Variants in PTPRT observed in about 807,000 individuals in gnomAD.
The protein encoded by PTPRT is receptor-type tyrosine-protein phosphatase T.
PTPRT carries 56 observed loss-of-function variants against 176.8 expected under a neutral mutation model. The ratio of observed to expected loss-of-function variants is 0.32; its 90% CI spans 0.26 to 0.40. The LOEUF (loss-of-function observed/expected upper bound fraction) is 0.40, where lower values mean the gene tolerates loss of function less well. Among genes scored for constraint, PTPRT ranks in the 10% least tolerant of loss-of-function variants. The pLI is 1.00. For missense variants in PTPRT, 1,540 were observed against 1,908.2 expected, an observed-to-expected ratio of 0.81 and a Z score of 3.60; for synonymous variants, 783 against 739.0, an observed-to-expected ratio of 1.06 and a Z score of -0.96.
rs1339517626 is a variant in PTPRT, at chr20:42,756,332, C to T, written c.859+130G>A. On this transcript the variant is annotated intron_variant, in intron 6 of 30. Transcript: ENST00000373187. ...GGGGAGTTTGTGTTGGGGAGGGAGG[C>T]CAGAGTGACTAGAAATTAATCTCCT... 1.8e-5 allele frequency: 18 copies of T among 1,001,712 alleles called. No individual in the cohort carries two copies. The East Asian group carries it at 5.0e-4, about 28-fold the overall frequency. The allele number at this position is 1,001,712 out of a possible 1,614,324, so 62.1% of individuals were successfully genotyped here.
chr20:42,620,604 G>A (rs573736704), intron 7 of PTPRT, among the ~76,000 whole-genome samples: 15 of 152,254 alleles, frequency 9.9e-5, no homozygotes, highest in Admixed American at 2.6e-4. Context: ...TTCCGTGGGC[G>A]TAGGACCCTC....
chr20:42,095,624 C>T (rs1044872520), intron 27 of PTPRT, among the ~76,000 whole-genome samples: 3 of 152,206 alleles, frequency 2.0e-5, no homozygotes, highest in Non-Finnish European at 4.4e-5. Context: ...ACTACCCTGC[C>T]TTCTTGTTTG....
At chr20:42,675,294 G>T (rs1371326791) in intron 7 of PTPRT, among the ~76,000 whole-genome samples, 1 of 152,182 alleles carries the variant, frequency 6.6e-6, no homozygotes, top group East Asian at 1.9e-4. Flanking sequence ...AAGCGTTTCA[G>T]ATTTCAGATT....
intron 17 of PTPRT, among the ~76,000 whole-genome samples, chr20:42,146,465 T>C (rs1988871252): frequency 6.6e-6 from 1 of 152,216 alleles, no homozygotes; most frequent in African/African-American, 2.4e-5. Context: ...TCTTTATGAC[T>C]GCACATTAGA....
intron 2 of PTPRT, among the ~76,000 whole-genome samples, chr20:42,830,376 G>C (rs1600803321): frequency 6.6e-6 from 1 of 152,118 alleles, no homozygotes; most frequent in African/African-American, 2.4e-5. Context: ...ATGCAGACGA[G>C]GCTTTCAATA....
At chr20:42,573,011 A>G (rs1270110243) in intron 7 of PTPRT, among the ~76,000 whole-genome samples, 1 of 150,194 alleles carries the variant, frequency 6.7e-6, no homozygotes, top group Non-Finnish European at 1.5e-5. Flanking sequence ...GCTCCATAAG[A>G]GCAGGACCCA....
At chr20:42,768,033 C>T (rs890053787) in intron 5 of PTPRT, among the ~76,000 whole-genome samples, 2 of 148,126 alleles carry the variant, frequency 1.4e-5, no homozygotes, top group Non-Finnish European at 3.0e-5. Flanking sequence ...CACTGCTTCT[C>T]TGGAGAACCC....
chr20:42,045,518 G>A, the PTPRT span, among the ~76,000 whole-genome samples: 5 of 151,528 alleles, frequency 3.3e-5, no homozygotes, highest in Non-Finnish European at 7.4e-5. Flanking sequence ...TTCACCAAGC[G>A]AGAGGCTTCA....
chr20:42,627,745 T>A (rs1324201050), intron 7 of PTPRT, among the ~76,000 whole-genome samples: 2 of 152,116 alleles, frequency 1.3e-5, no homozygotes, highest in Non-Finnish European at 2.9e-5. Context: ...TTTTATTTCC[T>A]GTCTTTCGTA....
intron 1 of PTPRT, among the ~76,000 whole-genome samples, chr20:42,909,577 C>T (rs767806254): frequency 6.6e-5 from 10 of 152,156 alleles, no homozygotes; most frequent in Admixed American, 2.0e-4. Flanking sequence ...GAAATTCTCC[C>T]ACAGATACAC....
At chr20:43,074,295 A>G (rs2011224061) in intron 1 of PTPRT, among the ~76,000 whole-genome samples, 1 of 152,246 alleles carries the variant, frequency 6.6e-6, no homozygotes, top group South Asian at 2.1e-4. Flanking sequence ...ACAAAATTTT[A>G]TAACGTCTAT....
chr20:42,851,468 T>C (rs6030526), intron 2 of PTPRT, among the ~76,000 whole-genome samples: 11,214 of 152,240 alleles, frequency 0.074, 833 homozygotes, highest in African/African-American at 0.19. Context: ...TATAGGCATC[T>C]ATAATTATAA....
At chr20:42,257,407 C>A (rs1476935344) in intron 13 of PTPRT, among the ~76,000 whole-genome samples, 1 of 152,036 alleles carries the variant, frequency 6.6e-6, no homozygotes, top group Non-Finnish European at 1.5e-5. Flanking sequence ...CCGTTTTAAA[C>A]CCTTCACATA....
chr20:42,035,899 A>G, the PTPRT span, among the ~76,000 whole-genome samples: 2 of 152,332 alleles, frequency 1.3e-5, no homozygotes, highest in South Asian at 4.1e-4. Context: ...TGGGGAGTTC[A>G]TTCATTTATC....
intron 16 of PTPRT, among the ~76,000 whole-genome samples, chr20:42,195,217 T>C (rs1168837629): frequency 6.6e-6 from 1 of 152,186 alleles, no homozygotes; most frequent in Non-Finnish European, 1.5e-5. Context: ...AGAATTTGAA[T>C]TAGGCTAGGG....
chr20:43,163,720 T>C (rs1041769704), intron 1 of PTPRT, among the ~76,000 whole-genome samples: 9 of 152,094 alleles, frequency 5.9e-5, no homozygotes, highest in Non-Finnish European at 1.3e-4. Flanking sequence ...GATAGTTCCG[T>C]GGCTCCTGCA....
rs749530488 is a variant in PTPRT, at chr20:42,835,573, C to T, written c.215-44107G>A. Among the ~76,000 whole-genome samples the T allele has an allele frequency of 3.3e-5, 5 of 152,182 alleles. No individual in the cohort carries two copies. The South Asian group carries it at 6.2e-4, about 19-fold the overall frequency. On this transcript the variant is annotated intron_variant, in intron 2 of 30. Transcript: ENST00000373187. ...GGGGCAGAGAATGAGAGGGGAAGGG[C>T]TACTGCTGTTCACTCAAGGCTTTGT...
intron 7 of PTPRT, among the ~76,000 whole-genome samples, chr20:42,554,430 ACAATTATATCCC>A (rs1217068887): frequency 6.6e-6 from 1 of 152,198 alleles, no homozygotes; most frequent in Non-Finnish European, 1.5e-5. Flanking sequence ...TGTCATTGAC[ACAATTATATCCC>A]CAAAGGGCTT....
intron 13 of PTPRT, among the ~76,000 whole-genome samples, chr20:42,249,296 T>C (rs555986703): frequency 6.6e-6 from 1 of 152,244 alleles, no homozygotes; most frequent in African/African-American, 2.4e-5. Context: ...AGGTTTTTGT[T>C]TTGTTCTTTA....
Sources: gnomAD v4.1 joint callset for allele counts (sites outside exome capture counted in the v4.1 genomes callset) on GRCh38, gnomAD v4.1.1 for gene constraint, MANE v1.5 for transcripts, NCBI Gene and HGNC (gene_info 2026-07-23, HGNC 2026-07-21) for gene names.